The following GPR63 variants were observed in gnomAD, a reference collection of about 807,000 sequenced individuals.
GPR63 encodes the protein G protein-coupled receptor 63.
In GPR63, 12 loss-of-function variants were observed where a neutral mutation model predicts 23.1. The observed-to-expected ratio is 0.52, with a 90% CI of 0.33 to 0.84. The LOEUF (loss-of-function observed/expected upper bound fraction) is 0.84. GPR63 is among the 40% of genes least tolerant of loss of function. GPR63 has a pLI of 0.02. For missense variants in GPR63, 472 were observed against 515.6 expected (o/e 0.92, Z 0.82); for synonymous variants, 172 against 191.1 (o/e 0.90, Z 0.82).
At chr6:96,816,786 G>A (rs1318759384) in intron 1 of GPR63, among the ~76,000 whole-genome samples, 1 of 152,214 alleles carries the variant, frequency 6.6e-6, no homozygotes, top group East Asian at 1.9e-4. Context: ...CACAGTCTCA[G>A]TGGGCTGGAA....
chr6:96,798,500 A>T lies in GPR63; in HGVS notation c.1232T>A (p.Val411Glu). 1 of 1,614,166 alleles carries T rather than the reference A, an allele frequency of 6.2e-7. No homozygotes were observed. Residue 411 changes from valine (V) to glutamate (E), a missense_variant, in exon 2 of 2, where the codon GTG (valine) becomes GAG (glutamate). Val to Glu is a moderately radical substitution (Grantham distance 121). Coordinates refer to ENST00000229955, the MANE Select transcript of GPR63 (RefSeq NM_030784.4). ...CACCACCGTCCGATGTTCCCCACAC[A>T]CATAGACAGCACTAGGACGTATCCG... ...KRRIRPSAVY[V>E]CGEHRTVV
intron 1 of GPR63, among the ~76,000 whole-genome samples, chr6:96,821,232 C>T (rs181325584): frequency 7.9e-5 from 12 of 152,306 alleles, no homozygotes; most frequent in African/African-American, 2.2e-4. Flanking sequence ...TCAATACATA[C>T]GCACTAGCAG....
intron 1 of GPR63, among the ~76,000 whole-genome samples, chr6:96,802,644 A>C (rs1192346485): frequency 6.7e-6 from 1 of 149,960 alleles, no homozygotes; most frequent in Non-Finnish European, 1.5e-5. Flanking sequence ...GGTTCACGTC[A>C]TTCTTCTGCC....
In GPR63 at chr6:96,798,816, T is replaced by A. The variant is rs1305700425; in HGVS notation, c.916A>T (p.Met306Leu). 1.2e-6 allele frequency: 2 copies of A among 1,614,160 alleles called. No individual in the cohort carries two copies. The highest frequency in any genetic ancestry group is 4.5e-5 in the East Asian group (2 of 44,880). Residue 306 changes from methionine (M) to leucine (L), a missense_variant, in exon 2 of 2, where the codon ATG (methionine) becomes TTG (leucine). Met to Leu is a conservative substitution (Grantham distance 15, BLOSUM62 2). Coordinates refer to ENST00000229955, the MANE Select transcript of GPR63 (RefSeq NM_030784.4). ...LQRPFQMSID[M>L]GFKTRAFTTI... ...GTGAAGGCACGTGTTTTAAAGCCCA[T>A]GTCAATGCTCATCTGGAAAGGTCTC...
intron 1 of GPR63, among the ~76,000 whole-genome samples, chr6:96,835,119 T>TA (rs1774691421): frequency 6.6e-6 from 1 of 152,188 alleles, no homozygotes; most frequent in South Asian, 2.1e-4. Flanking sequence ...GTGGTTAGGA[T>TA]ATGGTTCCCT....
chr6:96,829,349 TAGA>T (rs1774522518), intron 1 of GPR63, among the ~76,000 whole-genome samples: 1 of 152,062 alleles, frequency 6.6e-6, no homozygotes, highest in South Asian at 2.1e-4. Context: ...AAAATATGCT[TAGA>T]AATTAGGAAA....
intron 1 of GPR63, among the ~76,000 whole-genome samples, chr6:96,811,138 A>G (rs534765249): frequency 3.9e-5 from 6 of 152,260 alleles, no homozygotes; most frequent in Admixed American, 6.5e-5. Flanking sequence ...TCTCAGTCCA[A>G]TCTTCTAAAA....
chr6:96,810,500 A>G (rs77216336), intron 1 of GPR63, among the ~76,000 whole-genome samples: 2 of 82,542 alleles, frequency 2.4e-5, no homozygotes, highest in Admixed American at 1.3e-4. Context: ...GTCCCAGGAA[A>G]AAAAAAAAAA....
intron 1 of GPR63, among the ~76,000 whole-genome samples, chr6:96,802,857 G>A (rs1562115035): frequency 6.6e-6 from 1 of 152,064 alleles, no homozygotes; most frequent in South Asian, 2.1e-4. Flanking sequence ...AATACTTCCA[G>A]GGAAATATGC....
chr6:96,831,386 G>A (rs1258301200), intron 1 of GPR63, among the ~76,000 whole-genome samples: 4 of 150,540 alleles, frequency 2.7e-5, no homozygotes, highest in African/African-American at 9.8e-5. Flanking sequence ...AGACAATCAG[G>A]TCTGGGTTCA....
At chr6:96,836,484 T>C (rs1475179809) in intron 1 of GPR63, among the ~76,000 whole-genome samples, 1 of 152,160 alleles carries the variant, frequency 6.6e-6, no homozygotes, top group Non-Finnish European at 1.5e-5. Context: ...TGCATGCTAC[T>C]ATAGGGATGC....
At chr6:96,831,486 A>G (rs1490442888) in intron 1 of GPR63, among the ~76,000 whole-genome samples, 1 of 152,100 alleles carries the variant, frequency 6.6e-6, no homozygotes, top group African/African-American at 2.4e-5. Flanking sequence ...GATTAGCTCT[A>G]CAGATTTTAT....
At chr6:96,811,101 C>G (rs1774031076) in intron 1 of GPR63, among the ~76,000 whole-genome samples, 1 of 152,152 alleles carries the variant, frequency 6.6e-6, no homozygotes, top group Admixed American at 6.5e-5. Flanking sequence ...CCCAGGGCTC[C>G]CAGCAGAGAC....
intron 1 of GPR63, among the ~76,000 whole-genome samples, chr6:96,819,282 A>G (rs1433187668): frequency 3.9e-5 from 6 of 152,254 alleles, no homozygotes; most frequent in Non-Finnish European, 5.9e-5. Context: ...ATGCCCATCA[A>G]TGATAGACTA....
chr6:96,829,601 G>A, intron 1 of GPR63, among the ~76,000 whole-genome samples: 1 of 152,170 alleles, frequency 6.6e-6, no homozygotes, highest in African/African-American at 2.4e-5. Context: ...TCAGGGGGCT[G>A]AGGTGAGGAG....
intron 1 of GPR63, among the ~76,000 whole-genome samples, chr6:96,800,810 T>C (rs1412807227): frequency 6.6e-6 from 1 of 152,176 alleles, no homozygotes; most frequent in Non-Finnish European, 1.5e-5. Context: ...GTCAACCAAA[T>C]AACAAAGATA....
At chr6:96,813,492 A>C (rs770401942) in intron 1 of GPR63, among the ~76,000 whole-genome samples, 3 of 152,104 alleles carry the variant, frequency 2.0e-5, no homozygotes, top group Non-Finnish European at 4.4e-5. Context: ...CTTGTTATTG[A>C]TTTCTACTTT....
At chr6:96,806,313 C>G (rs1015008368) in intron 1 of GPR63, among the ~76,000 whole-genome samples, 6 of 152,160 alleles carry the variant, frequency 3.9e-5, no homozygotes, top group African/African-American at 1.4e-4. Context: ...AGCTCTCTTG[C>G]CTACCACTAA....
At chr6:96,829,642 G>C (rs1454889771) in intron 1 of GPR63, among the ~76,000 whole-genome samples, 1 of 152,180 alleles carries the variant, frequency 6.6e-6, no homozygotes. Flanking sequence ...CAAGGCTACA[G>C]TGAGCCATGA....
Sources: allele counts gnomAD v4.1 joint callset (sites outside exome capture counted in the v4.1 genomes callset), GRCh38; gene constraint gnomAD v4.1.1; transcripts MANE v1.5; gene names NCBI Gene and HGNC (gene_info 2026-07-23, HGNC 2026-07-21).